The following RAB3C variants were observed in gnomAD, a reference collection of about 807,000 sequenced individuals.
The protein encoded by RAB3C is RAB3C, member RAS oncogene family.
Under a neutral mutation model 26.4 loss-of-function variants are expected in RAB3C, and 17 were observed. The observed-to-expected ratio is 0.64, with a 90% CI of 0.44 to 0.97. The LOEUF (loss-of-function observed/expected upper bound fraction) is 0.97. Among genes scored for constraint, RAB3C ranks in the 50% least tolerant of loss-of-function variants. The probability of loss-of-function intolerance (pLI) is 0.00; values close to 1 mark genes in which losing one functional copy is unlikely to be tolerated. For synonymous variants in RAB3C, 91 were observed against 95.9 expected (o/e 0.95, Z 0.30); for missense variants, 242 against 281.9 (o/e 0.86, Z 1.01).
intron 2 of RAB3C, among the ~76,000 whole-genome samples, chr5:58,703,701 A>T (rs1033386894): frequency 2.0e-5 from 3 of 152,124 alleles, no homozygotes; most frequent in African/African-American, 7.2e-5. Context: ...TCAGATTCCC[A>T]TGCTTACCCT....
At chr5:58,584,172 A>C (rs527938221) in intron 1 of RAB3C, among the ~76,000 whole-genome samples, 3 of 152,328 alleles carry the variant, frequency 2.0e-5, no homozygotes, top group Non-Finnish European at 4.4e-5. Context: ...CTCTGCTGCC[A>C]AACCCAAGAG....
intron 2 of RAB3C, among the ~76,000 whole-genome samples, chr5:58,716,481 C>T (rs2111905418): frequency 6.6e-6 from 1 of 152,210 alleles, no homozygotes; most frequent in South Asian, 2.1e-4. Flanking sequence ...CACCTCCCAG[C>T]ACTGTGACTT....
chr5:58,842,692 G>T (rs2112081439), intron 4 of RAB3C, among the ~76,000 whole-genome samples: 1 of 152,286 alleles, frequency 6.6e-6, no homozygotes, highest in African/African-American at 2.4e-5. Flanking sequence ...TCTGGAGAGA[G>T]TTCCTTTTCC....
intron 2 of RAB3C, among the ~76,000 whole-genome samples, chr5:58,713,653 C>A (rs1017994229): frequency 2.0e-5 from 3 of 152,136 alleles, no homozygotes; most frequent in Admixed American, 2.0e-4. Context: ...TTAGAATTGA[C>A]AATGGTAATA....
intron 3 of RAB3C, chr5:58,817,130 T>TA (rs1743234742): frequency 6.6e-6 from 1 of 152,168 alleles, no homozygotes; most frequent in Non-Finnish European, 1.5e-5. Context: ...TAGGGCAAGG[T>TA]ACACCTGCAG....
chr5:58,638,540 C>T (rs1333799988), intron 2 of RAB3C, among the ~76,000 whole-genome samples: 1 of 152,078 alleles, frequency 6.6e-6, no homozygotes, highest in East Asian at 1.9e-4. Context: ...ATAACATTTT[C>T]TAAAGTCCGT....
chr5:58,788,868 C>T (rs1046797686), intron 3 of RAB3C, among the ~76,000 whole-genome samples: 2 of 152,184 alleles, frequency 1.3e-5, no homozygotes, highest in Admixed American at 6.5e-5. Flanking sequence ...CATATTCCTT[C>T]TTTCCTAAGT....
chr5:58,849,203 T>A (rs879468199), intron 4 of RAB3C, among the ~76,000 whole-genome samples: 1 of 152,166 alleles, frequency 6.6e-6, no homozygotes, highest in Non-Finnish European at 1.5e-5. Context: ...GTACAAGAAG[T>A]GTTAGCAAAA....
chr5:58,641,339 A>T (rs1010725658), intron 2 of RAB3C, among the ~76,000 whole-genome samples: 1 of 152,196 alleles, frequency 6.6e-6, no homozygotes, highest in Non-Finnish European at 1.5e-5. Context: ...GAAGGAGAAA[A>T]CAAGAGAGTG....
chr5:58,758,756 G>A lies in RAB3C; in HGVS notation c.371+32636G>A, dbSNP rs571615361. ...GGATGACGACCAAAGTAACATAGAG[G>A]CCAGTGATTACTAAAGTAAAATGAA... On this transcript the variant is annotated intron_variant, in intron 3 of 4. Transcript: ENST00000282878. Among the ~76,000 whole-genome samples, 4 of 152,274 alleles carry A rather than the reference G, an allele frequency of 2.6e-5. No homozygotes were observed. In the South Asian group the frequency reaches 6.2e-4, roughly 24 times the overall value.
intron 1 of RAB3C, among the ~76,000 whole-genome samples, chr5:58,616,909 C>A (rs562974452): frequency 5.3e-4 from 81 of 152,116 alleles, no homozygotes; most frequent in Non-Finnish European, 8.5e-4. Flanking sequence ...TGAGCCCTGG[C>A]ACCACACTGC....
chr5:58,836,846 G>A (rs897436622), intron 4 of RAB3C, among the ~76,000 whole-genome samples: 1 of 152,110 alleles, frequency 6.6e-6, no homozygotes, highest in Non-Finnish European at 1.5e-5. Flanking sequence ...AAGCACGGGG[G>A]TGCAGATGTC....
intron 1 of RAB3C, among the ~76,000 whole-genome samples, chr5:58,606,339 G>T (rs1036057511): frequency 6.6e-6 from 1 of 152,198 alleles, no homozygotes; most frequent in African/African-American, 2.4e-5. Context: ...GCAGCCTGAT[G>T]GGGGAGGGGC....
intron 2 of RAB3C, among the ~76,000 whole-genome samples, chr5:58,651,547 G>C (rs1747649463): frequency 6.6e-6 from 1 of 152,134 alleles, no homozygotes; most frequent in African/African-American, 2.4e-5. Flanking sequence ...TAGTACAGTA[G>C]TAATATATAA....
intron 3 of RAB3C, among the ~76,000 whole-genome samples, chr5:58,759,254 G>A (rs1484170950): frequency 3.3e-5 from 5 of 152,218 alleles, no homozygotes; most frequent in African/African-American, 1.2e-4. Context: ...TAACCCAGAT[G>A]TGGTGGGGTT....
At chr5:58,687,380 T>G (rs964166399) in intron 2 of RAB3C, among the ~76,000 whole-genome samples, 3 of 152,170 alleles carry the variant, frequency 2.0e-5, no homozygotes, top group African/African-American at 4.8e-5. Flanking sequence ...TTAAGTTGAT[T>G]TCTTCCTTGA....
intron 4 of RAB3C, among the ~76,000 whole-genome samples, chr5:58,834,230 G>A (rs895999520): frequency 1.3e-5 from 2 of 152,172 alleles, no homozygotes; most frequent in Non-Finnish European, 2.9e-5. Context: ...AGTAAGCTGG[G>A]CACCAAAGCC....
chr5:58,697,704 T>G (rs1748747604), intron 2 of RAB3C, among the ~76,000 whole-genome samples: 1 of 152,230 alleles, frequency 6.6e-6, no homozygotes, highest in South Asian at 2.1e-4. Context: ...TTCTGATGTT[T>G]GTTGGTTTAA....
chr5:58,630,929 T>C (rs982853194), intron 2 of RAB3C, among the ~76,000 whole-genome samples: 2 of 152,156 alleles, frequency 1.3e-5, no homozygotes, highest in African/African-American at 2.4e-5. Flanking sequence ...AACTCCTATA[T>C]GCTGGCAGAT....
Sources: gnomAD v4.1 joint callset for allele counts (sites outside exome capture counted in the v4.1 genomes callset) on GRCh38, gnomAD v4.1.1 for gene constraint, MANE v1.5 for transcripts, NCBI Gene and HGNC (gene_info 2026-07-23, HGNC 2026-07-21) for gene names.